Variants in UGP2 observed in about 807,000 individuals in gnomAD.
UGP2 encodes UDP-glucose pyrophosphorylase 2, also known as UTP--glucose-1-phosphate uridylyltransferase.
In UGP2, 40 loss-of-function variants were observed where a neutral mutation model predicts 49.0. The ratio of observed to expected loss-of-function variants is 0.82; its 90% CI spans 0.63 to 1.06. The LOEUF (loss-of-function observed/expected upper bound fraction) is 1.06, where lower values mean the gene tolerates loss of function less well. Ranked by LOEUF, UGP2 falls within the 50% of genes least tolerant of loss-of-function variation. The probability of loss-of-function intolerance (pLI) is 0.00; values close to 1 mark genes in which losing one functional copy is unlikely to be tolerated. For missense variants in UGP2, 460 were observed against 603.5 expected (o/e 0.76, Z 2.49); for synonymous variants, 225 against 213.0 (o/e 1.06, Z -0.49).
chr2:63,854,059 A>G (rs1482454403), intron 1 of UGP2, among the ~76,000 whole-genome samples: 1 of 152,208 alleles, frequency 6.6e-6, no homozygotes, highest in East Asian at 1.9e-4. Flanking sequence ...GAGCCAGGCC[A>G]GGAAAAAAAC....
chr2:63,863,776 A>G (rs941681406), intron 3 of UGP2, among the ~76,000 whole-genome samples: 7 of 152,166 alleles, frequency 4.6e-5, no homozygotes, highest in Non-Finnish European at 2.9e-5. Context: ...GTACTGATGG[A>G]ATTTTTCTTT....
intron 1 of UGP2, among the ~76,000 whole-genome samples, chr2:63,848,752 G>C (rs921784944): frequency 3.9e-5 from 6 of 152,228 alleles, no homozygotes; most frequent in Admixed American, 1.3e-4. Flanking sequence ...AGCTATCAAA[G>C]AAAATTAAAC....
intron 8 of UGP2, 138 bp from the exon 9 acceptor site, chr2:63,889,943 A>C: frequency 1.5e-6 from 1 of 646,290 alleles, no homozygotes; most frequent in Non-Finnish European, 2.7e-6. Flanking sequence ...GTGCTTAATA[A>C]GTAGGTGCTT....
In UGP2 at chr2:63,885,813, T is replaced by C. The variant is rs533964219; in HGVS notation, c.800T>C (p.Leu267Pro). The C allele has an allele frequency of 9.3e-6, 15 of 1,610,476 alleles. No individual in the cohort carries two copies. The highest frequency in any genetic ancestry group is 1.3e-5 in the Non-Finnish European group (15 of 1,178,784). The change falls in exon 6 of 10, where the codon CTA becomes CCA. Residue 267 changes from leucine to proline, a missense_variant. Physicochemically the swap from Leu to Pro is moderately conservative, Grantham distance 98 (BLOSUM62 -3). Around this residue, in one of 2 missense-constraint regions of UGP2, gnomAD observed 317 missense variants for 473.0 expected, o/e 0.67. Transcript: ENST00000337130. ...ATVDLYILNHLMNPPNGKRCE... is the reference protein window; with the variant it reads ...ATVDLYILNHPMNPPNGKRCE... The stretch of plus-strand genomic sequence containing the variant: ...GTGGATCTGTATATTCTTAATCATC[T>C]AATGAACCCACCCAATGGAAAACGC...
chr2:63,873,838 T>A (rs986341957), intron 3 of UGP2, among the ~76,000 whole-genome samples: 1 of 152,164 alleles, frequency 6.6e-6, no homozygotes, highest in Non-Finnish European at 1.5e-5. Flanking sequence ...ACACAGTAGA[T>A]CTGGAGAGAG....
chr2:63,868,749 C>T (rs1670347369), intron 3 of UGP2, among the ~76,000 whole-genome samples: 4 of 151,990 alleles, frequency 2.6e-5, no homozygotes, highest in African/African-American at 7.2e-5. Context: ...GAAGCTGAGG[C>T]GGGCAGATCA....
intron 1 of UGP2, chr2:63,842,422 G>C (rs1482261887): frequency 6.4e-7 from 1 of 1,568,998 alleles, no homozygotes; most frequent in Non-Finnish European, 8.6e-7. Context: ...GTTTAGTTTT[G>C]CCTCCCTGAA....
At chr2:63,878,241 G>A (rs1040455241) in intron 3 of UGP2, among the ~76,000 whole-genome samples, 21 of 152,118 alleles carry the variant, frequency 1.4e-4, no homozygotes, top group Non-Finnish European at 4.4e-5. Flanking sequence ...CTGATAGCTT[G>A]TCTTTGAAGC....
intron 2 of UGP2, among the ~76,000 whole-genome samples, chr2:63,857,121 G>T (rs1051090674): frequency 6.6e-6 from 1 of 151,978 alleles, no homozygotes; most frequent in African/African-American, 2.4e-5. Context: ...GCAACATGGC[G>T]AAACCCTGTC....
At chr2:63,844,137 A>G (rs1308107781) in intron 1 of UGP2, among the ~76,000 whole-genome samples, 1 of 152,170 alleles carries the variant, frequency 6.6e-6, no homozygotes, top group Non-Finnish European at 1.5e-5. Context: ...ACCTCCTCAA[A>G]ATTTTTTGAC....
At chr2:63,842,618 G>A (rs1478685773) in intron 1 of UGP2, 1 of 1,445,278 alleles carries the variant, frequency 6.9e-7, no homozygotes, top group African/African-American at 1.4e-5. Context: ...TGCCGGGACT[G>A]TTGGGGAAGC....
Position 63,841,917 on chromosome 2 carries a change from A to G in UGP2, c.-269A>G, listed in dbSNP as rs143268830. On this transcript the variant is annotated 5_prime_UTR_variant, in exon 1 of 10. Coordinates refer to ENST00000337130, the MANE Select transcript of UGP2 (RefSeq NM_006759.4). ...TTCCGGGAGTCTCCAGCTGGCCCTC[A>G]TTTGTGTCCGGAGCTCAGGAGTTCC... The G allele has an allele frequency of 2.6e-4, 108 of 411,672 alleles. No individual in the cohort carries two copies. The highest frequency in any genetic ancestry group is 1.3e-3 in the African/African-American group (66 of 48,912). 25.5% of individuals were successfully genotyped at this position (411,672 alleles called of 1,614,324 possible).
At chr2:63,870,834 C>T (rs1458005067) in intron 3 of UGP2, among the ~76,000 whole-genome samples, 1 of 152,136 alleles carries the variant, frequency 6.6e-6, no homozygotes, top group Non-Finnish European at 1.5e-5. Flanking sequence ...ACTTAGCAGA[C>T]AGTTTGGAGA....
Position 63,890,148 on chromosome 2 carries a change from C to G in UGP2, c.1382C>G (p.Ser461Ter). ...DMLELDHLTV[S>*]GDVTFGKNVS... Reference sequence around the variant, plus strand: ...CTTGAATTGGATCACCTCACAGTTTCAGGAGATGTGACATTTGGAAAAAAT... The same window carrying G: ...CTTGAATTGGATCACCTCACAGTTTGAGGAGATGTGACATTTGGAAAAAAT... The change falls in exon 9 of 10, where the codon TCA (serine) becomes TGA (stop). Residue 461 changes from serine (S) to a stop codon, truncating the protein, a stop_gained. Transcript: ENST00000337130. LOFTEE classifies it high-confidence loss of function. 6.2e-7 allele frequency: 1 copy of G among 1,611,544 alleles called. No individual in the cohort carries two copies. Among genetic ancestry groups the G allele is most frequent in the African/African-American group, 1.3e-5 (1 of 74,842 alleles).
At chr2:63,858,536 G>C (rs951072233) in intron 3 of UGP2, among the ~76,000 whole-genome samples, 1 of 151,368 alleles carries the variant, frequency 6.6e-6, no homozygotes, top group African/African-American at 2.4e-5. Flanking sequence ...AAAAAAAAAA[G>C]CTAAAAAATA....
intron 1 of UGP2, among the ~76,000 whole-genome samples, chr2:63,843,229 AAG>A (rs1370782209): frequency 6.6e-5 from 10 of 152,276 alleles, no homozygotes; most frequent in Non-Finnish European, 1.5e-4. Context: ...AGATTAAAGT[AAG>A]AGAATTCGAC....
At chr2:63,860,968 G>A (rs1669800027) in intron 3 of UGP2, among the ~76,000 whole-genome samples, 1 of 151,914 alleles carries the variant, frequency 6.6e-6, no homozygotes, top group Non-Finnish European at 1.5e-5. Context: ...TACCTTTTGT[G>A]TTGAATGCTT....
chr2:63,869,570 A>G (rs955852933), intron 3 of UGP2, among the ~76,000 whole-genome samples: 16 of 152,206 alleles, frequency 1.1e-4, no homozygotes, highest in African/African-American at 3.6e-4. Flanking sequence ...CCTAGAGAGG[A>G]CAGCGCAAAA....
intron 3 of UGP2, among the ~76,000 whole-genome samples, chr2:63,864,542 T>C (rs1384472591): frequency 1.3e-5 from 2 of 152,254 alleles, no homozygotes; most frequent in Non-Finnish European, 2.9e-5. Context: ...TATCCTTTTT[T>C]TCATAATGCA....
Sources: allele counts gnomAD v4.1 joint callset (sites outside exome capture counted in the v4.1 genomes callset), GRCh38; gene constraint gnomAD v4.1.1; regional missense constraint gnomAD v4.1.1; transcripts MANE v1.5; gene names NCBI Gene and HGNC (gene_info 2026-07-23, HGNC 2026-07-21).